The following COQ4 variants were observed in gnomAD, a reference collection of about 807,000 sequenced individuals.
COQ4 encodes the protein coenzyme Q4, also known as ubiquinone biosynthesis protein COQ4 homolog, mitochondrial.
Under a neutral mutation model 30.2 loss-of-function variants are expected in COQ4, and 36 were observed. The observed-to-expected ratio is 1.19, with a 90% CI of 0.91 to 1.57. The LOEUF is 1.57. Ranked by LOEUF, COQ4 falls within the 40% of genes most tolerant of loss-of-function variation. The pLI is 0.00. For missense variants in COQ4, 369 were observed against 371.9 expected, an observed-to-expected ratio of 0.99 and a Z score of 0.07; for synonymous variants, 197 against 161.0, an observed-to-expected ratio of 1.22 and a Z score of -1.69.
At position 128,333,714 on chromosome 9, in the gene COQ4, T is replaced by A; in HGVS notation, c.*69T>A. Reference sequence around the variant, plus strand: ...CTTCCCTTGGAGGCAGAGGGCTCCCTTGACTACCTTTGTTCCTCTTCTTTG... The same window carrying A: ...CTTCCCTTGGAGGCAGAGGGCTCCCATGACTACCTTTGTTCCTCTTCTTTG... On this transcript the variant is annotated 3_prime_UTR_variant, in exon 7 of 7. Coordinates refer to ENST00000300452, the MANE Select transcript of COQ4 (RefSeq NM_016035.5). 7.8e-7 allele frequency: 1 copy of A among 1,287,250 alleles called. No homozygotes were observed. The highest frequency in any genetic ancestry group is 1.0e-6 in the Non-Finnish European group (1 of 963,932). 79.7% of individuals were successfully genotyped at this position (1,287,250 alleles called of 1,614,324 possible). A position where few individuals can be genotyped will look rare whatever the true frequency, so the allele number is the denominator to read the frequency against.
Position 128,323,160 on chromosome 9 carries a change from G to A in COQ4, c.202+13G>A. Reference sequence around the variant, plus strand: ...CCCTACCGCCACGGTAAGGCCGCCCGCGCCTCGCCCCCGTGGGGGCGGCTT... The same window carrying A: ...CCCTACCGCCACGGTAAGGCCGCCCACGCCTCGCCCCCGTGGGGGCGGCTT... On this transcript the variant is annotated intron_variant, in intron 2 of 6. Transcript: ENST00000300452. 1 of 1,575,964 alleles carries A rather than the reference G, an allele frequency of 6.3e-7. No homozygotes were observed. Among genetic ancestry groups the A allele is most frequent in the South Asian group, 1.1e-5 (1 of 88,592 alleles).
intron 4 of COQ4, among the ~76,000 whole-genome samples, chr9:128,327,426 G>C (rs1832340840): frequency 6.6e-6 from 1 of 152,154 alleles, no homozygotes; most frequent in African/African-American, 2.4e-5. Context: ...CTGGGCGACA[G>C]AGTGAGACTC....
intron 4 of COQ4, among the ~76,000 whole-genome samples, chr9:128,327,338 G>A (rs1832338677): frequency 6.6e-6 from 1 of 151,986 alleles, no homozygotes; most frequent in South Asian, 2.1e-4. Flanking sequence ...AGCTACTCGG[G>A]AGGCTGAGGC....
At chr9:128,325,996 C>A in intron 4 of COQ4, 115 bp downstream of exon 4, 2 of 908,556 alleles carry the variant, frequency 2.2e-6, no homozygotes, top group South Asian at 1.4e-5. Context: ...CAGGAGTGCT[C>A]TTCAGGCTCA....
At position 128,325,855 on chromosome 9, in the gene COQ4, G is replaced by C; in HGVS notation, c.376G>C (p.Glu126Gln). ...QSLPEGSLGR[E>Q]YLRFLDVNRV... is the part of the protein sequence containing the mutation. Reference sequence around the variant, plus strand: ...CCTGCCGGAAGGCTCCCTCGGTCGCGAGTATCTCCGTTTCCTGGATGTGAA... The same window carrying C: ...CCTGCCGGAAGGCTCCCTCGGTCGCCAGTATCTCCGTTTCCTGGATGTGAA... The change falls in exon 4 of 7, where the codon GAG (glutamate) becomes CAG (glutamine). Residue 126 changes from glutamate (E) to glutamine (Q), a missense_variant. Glu to Gln is a conservative substitution (Grantham distance 29). Transcript: ENST00000300452. The C allele has an allele frequency of 6.2e-7, 1 of 1,614,146 alleles. No individual in the cohort carries two copies.
intron 4 of COQ4, 156 bp from the exon 5 acceptor site, chr9:128,331,996 TG>T: frequency 1.3e-6 from 1 of 784,844 alleles, no homozygotes; most frequent in Non-Finnish European, 2.0e-6. Context: ...CCCAAAGTGC[TG>T]GGATTTACAG....
intron 6 of COQ4, among the ~76,000 whole-genome samples, 177 bp from the exon 7 acceptor site, chr9:128,333,297 C>T (rs778599842): frequency 1.4e-4 from 22 of 152,134 alleles, no homozygotes; most frequent in Non-Finnish European, 2.5e-4. Flanking sequence ...AGATGTGTGG[C>T]TTTGGGCTTG....
At position 128,333,672 on chromosome 9, in the gene COQ4, ACCTC is replaced by A. The variant is rs748169528; in HGVS notation, c.*30_*33del. ...CTCCTGAGCCAGCGGGGCCTGGCCT[ACCTC>A]CCCCATCCCCTGCTTCCCTTGGAGG... is the stretch of plus-strand genomic sequence containing the variant. On this transcript the variant is annotated 3_prime_UTR_variant, in exon 7 of 7. Coordinates refer to ENST00000300452, the MANE Select transcript of COQ4 (RefSeq NM_016035.5). 15 of 1,496,776 alleles carry A rather than the reference ACCTC, an allele frequency of 1.0e-5. No individual in the cohort carries two copies. The South Asian group carries it at 2.0e-4, about 20-fold the overall frequency. The allele number at this position is 1,496,776 out of a possible 1,614,324, so 92.7% of individuals were successfully genotyped here. A position where few individuals can be genotyped will look rare whatever the true frequency, so the allele number is the denominator to read the frequency against.
Position 128,323,033 on chromosome 9 carries a change from AG to A in COQ4, c.90del (p.Ser31AlafsTer43), listed in dbSNP as rs1369260147. On this transcript the variant is annotated frameshift_variant, in exon 2 of 7. Transcript: ENST00000300452. LOFTEE classifies it high-confidence loss of function. ...CCCCGCAGAAATGCCCCTCCGGGCT[AG>A]GAGCGACGGCGCCGGCCCGCTATAC... Reference protein sequence around the residue: ...RPAAEMPLRARSDGAGPLYSH... With the variant: ...RPAAEMPLRAXSDGAGPLYSH... 3 of 1,611,882 alleles carry A rather than the reference AG, an allele frequency of 1.9e-6. No homozygotes were observed. In the African/African-American group the frequency reaches 4.0e-5, roughly 22 times the overall value.
intron 4 of COQ4, among the ~76,000 whole-genome samples, chr9:128,328,338 T>C (rs1336218715): frequency 6.6e-6 from 1 of 152,226 alleles, no homozygotes; most frequent in Non-Finnish European, 1.5e-5. Flanking sequence ...CCCTCCCTCC[T>C]GCAACACAGA....
At chr9:128,328,956 TCAG>T (rs551687882) in intron 4 of COQ4, among the ~76,000 whole-genome samples, 221 of 152,302 alleles carry the variant, frequency 1.5e-3, no homozygotes, top group African/African-American at 4.5e-3. Flanking sequence ...AGCAAGGAAA[TCAG>T]CAGCTCATGG....
At chr9:128,324,231 G>A (rs138965125) in intron 2 of COQ4, among the ~76,000 whole-genome samples, 7,586 of 151,582 alleles carry the variant, frequency 0.05, 289 homozygotes, top group East Asian at 0.19. Flanking sequence ...CTCCCACCTC[G>A]GCCTCCCAAA....
intron 4 of COQ4, among the ~76,000 whole-genome samples, chr9:128,329,294 G>C (rs1316768607): frequency 6.6e-6 from 1 of 152,220 alleles, no homozygotes; most frequent in Non-Finnish European, 1.5e-5. Context: ...AGCAGACTTT[G>C]TTTCAAATGC....
chr9:128,329,367 T>G (rs1183584558), intron 4 of COQ4, among the ~76,000 whole-genome samples: 1 of 152,130 alleles, frequency 6.6e-6, no homozygotes, highest in African/African-American at 2.4e-5. Context: ...CTGAGCCTTG[T>G]TTTCCTTATT....
At chr9:128,332,340 G>C (rs369959067) in intron 5 of COQ4, 58 bp downstream of exon 5, 4 of 1,587,652 alleles carry the variant, frequency 2.5e-6, no homozygotes, top group East Asian at 4.5e-5. Context: ...GGCCAGGGCA[G>C]GGCTTGCCTA....
intron 4 of COQ4, chr9:128,330,354 C>T (rs1832385114): frequency 1.3e-5 from 2 of 150,840 alleles, no homozygotes; most frequent in African/African-American, 2.5e-5. Flanking sequence ...ACCTGGGCGA[C>T]AGAGTGAGAC....
chr9:128,325,310 T>C, intron 3 of COQ4, 71 bp downstream of exon 3: 1 of 1,078,540 alleles, frequency 9.3e-7, no homozygotes, highest in Non-Finnish European at 1.4e-6. Context: ...AATCACATTG[T>C]GTTTGTTCTG....
intron 2 of COQ4, among the ~76,000 whole-genome samples, chr9:128,324,650 A>G (rs1832286477): frequency 6.6e-6 from 1 of 152,078 alleles, no homozygotes; most frequent in Non-Finnish European, 1.5e-5. Context: ...TCATCTCTAC[A>G]GAAAATTTAA....
chr9:128,329,109 TAGG>T (rs1034008838), intron 4 of COQ4, among the ~76,000 whole-genome samples: 1 of 152,172 alleles, frequency 6.6e-6, no homozygotes, highest in African/African-American at 2.4e-5. Flanking sequence ...GCTTGAGAAT[TAGG>T]AGGAGCCTGA....
Sources: allele counts gnomAD v4.1 joint callset (sites outside exome capture counted in the v4.1 genomes callset), GRCh38; gene constraint gnomAD v4.1.1; transcripts MANE v1.5; gene names NCBI Gene and HGNC (gene_info 2026-07-23, HGNC 2026-07-21).